The following N4BP2L2 variants were observed in gnomAD, a reference collection of about 807,000 sequenced individuals.
N4BP2L2 encodes the protein NEDD4-binding protein 2-like 2.
Under a neutral mutation model 56.2 loss-of-function variants are expected in N4BP2L2, and 50 were observed. The observed-to-expected ratio is 0.89, with a 90% CI of 0.71 to 1.13. N4BP2L2 has a LOEUF of 1.13. Ranked by LOEUF, N4BP2L2 falls within the 50% of genes most tolerant of loss-of-function variation. The probability of loss-of-function intolerance (pLI) is 0.00; values close to 1 mark genes in which losing one functional copy is unlikely to be tolerated. For synonymous variants in N4BP2L2, 203 were observed against 223.6 expected (o/e 0.91, Z 0.82); for missense variants, 689 against 693.8 (o/e 0.99, Z 0.08).
intron 6 of N4BP2L2, among the ~76,000 whole-genome samples, chr13:32,445,949 C>G (rs1190160438): frequency 6.6e-6 from 1 of 151,990 alleles, no homozygotes; most frequent in Admixed American, 6.6e-5. Flanking sequence ...ACAATGAAGA[C>G]TTAGTAAAAT....
intron 9 of N4BP2L2, chr13:32,436,268 G>T: frequency 1.8e-6 from 1 of 541,280 alleles, no homozygotes; most frequent in Non-Finnish European, 3.1e-6. Context: ...CTCTCCAGTC[G>T]TGCTATAATA....
At chr13:32,434,253 T>C (rs1167988588) in intron 9 of N4BP2L2, among the ~76,000 whole-genome samples, 8 of 135,486 alleles carry the variant, frequency 5.9e-5, no homozygotes, top group East Asian at 2.1e-4. Flanking sequence ...ATTTTCTTTT[T>C]TTCTTTTTTT....
intron 6 of N4BP2L2, among the ~76,000 whole-genome samples, chr13:32,458,010 T>C (rs1424828393): frequency 6.6e-6 from 1 of 152,226 alleles, no homozygotes; most frequent in African/African-American, 2.4e-5. Context: ...ACTTAAAAGA[T>C]ACAGACTGGC....
At chr13:32,521,975 C>CA (rs2140045585) in intron 4 of N4BP2L2, 1 of 492,232 alleles carries the variant, frequency 2.0e-6, no homozygotes, top group Non-Finnish European at 3.5e-6. Flanking sequence ...GACTCCGTCT[C>CA]AAAAAAACAA....
intron 6 of N4BP2L2, among the ~76,000 whole-genome samples, chr13:32,468,357 G>A (rs1012460540): frequency 6.6e-6 from 1 of 151,958 alleles, no homozygotes. Flanking sequence ...CAAGAAAAAA[G>A]CAGTGAAAAT....
chr13:32,448,193 A>G (rs545603780), intron 6 of N4BP2L2, among the ~76,000 whole-genome samples: 23 of 152,308 alleles, frequency 1.5e-4, no homozygotes, highest in African/African-American at 4.8e-4. Flanking sequence ...CCCCTGGGAA[A>G]TAAGAGACTT....
intron 3 of N4BP2L2, chr13:32,522,561 T>G (rs1163663236): frequency 4.8e-6 from 1 of 206,984 alleles, no homozygotes; most frequent in Non-Finnish European, 9.5e-6. Context: ...TAGGACTAAC[T>G]TTCACTTATG....
At chr13:32,467,949 C>T (rs1246239068) in intron 6 of N4BP2L2, among the ~76,000 whole-genome samples, 1 of 151,674 alleles carries the variant, frequency 6.6e-6, no homozygotes, top group African/African-American at 2.4e-5. Flanking sequence ...GAGATTGCAC[C>T]ACTGCTCTGT....
chr13:32,495,600 T>C (rs961236972), intron 6 of N4BP2L2, among the ~76,000 whole-genome samples: 1 of 152,166 alleles, frequency 6.6e-6, no homozygotes, highest in African/African-American at 2.4e-5. Context: ...CCAGTTCCTG[T>C]TCTTTCATGT....
chr13:32,493,635 G>A (rs776905555), intron 6 of N4BP2L2, among the ~76,000 whole-genome samples: 1 of 151,950 alleles, frequency 6.6e-6, no homozygotes, highest in Non-Finnish European at 1.5e-5. Context: ...TTAAAATGTT[G>A]AAAGTGGATA....
chr13:32,451,251 T>G (rs992089410), intron 6 of N4BP2L2, among the ~76,000 whole-genome samples: 1 of 151,684 alleles, frequency 6.6e-6, no homozygotes, highest in Non-Finnish European at 1.5e-5. Flanking sequence ...CTGGGCAACA[T>G]AGCAAGATTC....
At chr13:32,523,346 G>C (rs798269) in intron 3 of N4BP2L2, 122,135 of 148,998 alleles carry the variant, frequency 0.82, 50,295 homozygotes, top group African/African-American at 0.87. Flanking sequence ...GAGCCAAGAT[G>C]ACGCCGCAGC....
At position 32,434,169 on chromosome 13, in the gene N4BP2L2, C is replaced by T. The variant is rs528630998; in HGVS notation, c.*22-1197G>A. Among the ~76,000 whole-genome samples, 40 of 150,628 alleles carry T rather than the reference C, an allele frequency of 2.7e-4. No individual in the cohort carries two copies. In the South Asian group the frequency reaches 8.0e-3, roughly 30 times the overall value. On this transcript the variant is annotated intron_variant, in intron 9 of 9. Transcript: ENST00000357505. ...TCAGCTCACTGCAACCTCCGCCTCC[C>T]GGGTTCAAACAATTCTCCTGCCTCA...
chr13:32,482,484 C>T (rs1050484945), intron 6 of N4BP2L2, among the ~76,000 whole-genome samples: 4 of 151,956 alleles, frequency 2.6e-5, no homozygotes, highest in African/African-American at 9.7e-5. Context: ...ACTTCAGCCT[C>T]CTAAGGAGCT....
intron 6 of N4BP2L2, among the ~76,000 whole-genome samples, chr13:32,458,016 C>T (rs2079268853): frequency 6.6e-6 from 1 of 151,230 alleles, no homozygotes; most frequent in Non-Finnish European, 1.5e-5. Flanking sequence ...AAGATACAGA[C>T]TGGCTGTATT....
chr13:32,536,131 A>G (rs1168418640), exon 2 of N4BP2L2: 17 of 1,613,974 alleles, frequency 1.1e-5, no homozygotes, highest in Non-Finnish European at 1.4e-5. Flanking sequence ...TTGATGGTGG[A>G]TTTGGTGGAC....
rs550522946 is a variant in N4BP2L2, at chr13:32,527,681, G to A, written c.1260-149C>T. 39 of 793,482 alleles carry A rather than the reference G, an allele frequency of 4.9e-5. No individual in the cohort carries two copies. In the Admixed American group the frequency reaches 7.5e-4, roughly 15 times the overall value. The allele number at this position is 793,482 out of a possible 1,614,324, so 49.2% of individuals were successfully genotyped here. A position where few individuals can be genotyped will look rare whatever the true frequency, so the allele number is the denominator to read the frequency against. On this transcript the variant is annotated intron_variant, in intron 2 of 5. Transcript: ENST00000267068. Reference sequence around the variant, plus strand: ...TGATACTTACCTGAAAGTATATCACGAACAGACCAGCACAAGAGCTGAATA... The same window carrying A: ...TGATACTTACCTGAAAGTATATCACAAACAGACCAGCACAAGAGCTGAATA...
intron 6 of N4BP2L2, among the ~76,000 whole-genome samples, chr13:32,477,081 G>C (rs1049842274): frequency 6.6e-6 from 1 of 152,180 alleles, no homozygotes; most frequent in African/African-American, 2.4e-5. Flanking sequence ...GTGCCAGGGA[G>C]CTCTGCCTGA....
chr13:32,477,997 CT>C, intron 6 of N4BP2L2: 1 of 1,289,376 alleles, frequency 7.8e-7, no homozygotes, highest in Non-Finnish European at 1.0e-6. Context: ...GTCTGACATA[CT>C]GGTGTTCATC....
Sources: allele counts gnomAD v4.1 joint callset (sites outside exome capture counted in the v4.1 genomes callset), GRCh38; gene constraint gnomAD v4.1.1; transcripts MANE v1.5; gene names NCBI Gene and HGNC (gene_info 2026-07-23, HGNC 2026-07-21).